The following TSPAN15 variants were observed in gnomAD, a reference collection of about 807,000 sequenced individuals.
The protein encoded by TSPAN15 is tetraspanin 15.
In TSPAN15, 20 loss-of-function variants were observed where a neutral mutation model predicts 34.5. The observed-to-expected ratio is 0.58, with a 90% confidence interval of 0.41 to 0.84. The LOEUF is 0.84. Ranked by LOEUF, TSPAN15 falls within the 40% of genes least tolerant of loss-of-function variation. The probability of loss-of-function intolerance (pLI) is 0.00; values close to 1 mark genes in which losing one functional copy is unlikely to be tolerated. For missense variants in TSPAN15, 313 were observed against 386.1 expected, an observed-to-expected ratio of 0.81 and a Z score of 1.59; for synonymous variants, 155 against 153.9, an observed-to-expected ratio of 1.01 and a Z score of -0.05.
intron 1 of TSPAN15, among the ~76,000 whole-genome samples, chr10:69,460,217 C>T (rs1004393222): frequency 6.6e-6 from 1 of 151,892 alleles, no homozygotes; most frequent in Admixed American, 6.6e-5. Flanking sequence ...AGGCTGGGCC[C>T]CTCCCACCCC....
At chr10:69,463,666 C>T (rs929468187) in intron 1 of TSPAN15, among the ~76,000 whole-genome samples, 6 of 152,064 alleles carry the variant, frequency 3.9e-5, no homozygotes, top group East Asian at 1.9e-4. Flanking sequence ...AAAAATTAGC[C>T]GGGCATAGTG....
the TSPAN15 span, among the ~76,000 whole-genome samples, chr10:69,544,728 A>G: frequency 6.6e-6 from 1 of 152,174 alleles, no homozygotes; most frequent in Non-Finnish European, 1.5e-5. Flanking sequence ...CTGGAGTCCC[A>G]GAAAGTGTGA....
Position 69,499,062 on chromosome 10 carries a change from C to T in TSPAN15, c.570+666C>T, listed in dbSNP as rs1403849701. 5.3e-5 allele frequency among the ~76,000 whole-genome samples: 8 copies of T among 152,340 alleles called. No homozygotes were observed. The East Asian group carries it at 7.7e-4, about 15-fold the overall frequency. On this transcript the variant is annotated intron_variant, in intron 5 of 7. Coordinates refer to ENST00000373290, the MANE Select transcript of TSPAN15 (RefSeq NM_012339.5). ...CTTCCTCTCCCCAGCACGATCCTCT[C>T]GGGTCTGTCACCTTGGTCATTTGGG...
At chr10:69,468,062 A>G (rs1841426076) in intron 1 of TSPAN15, among the ~76,000 whole-genome samples, 1 of 152,114 alleles carries the variant, frequency 6.6e-6, no homozygotes, top group South Asian at 2.1e-4. Context: ...TCAGAAAGCC[A>G]ATTAGGAAAG....
At chr10:69,539,530 AAGAAGAAGGAGAAGG>A in the TSPAN15 span, among the ~76,000 whole-genome samples, 4,621 of 101,678 alleles carry the variant, frequency 0.045, 166 homozygotes, top group Middle Eastern at 0.064. Context: ...GAAGAAGAAG[AAGAAGAAGGAGAAGG>A]AGAAGGAGAA....
At chr10:69,531,442 C>T in the TSPAN15 span, among the ~76,000 whole-genome samples, 1 of 151,950 alleles carries the variant, frequency 6.6e-6, no homozygotes, top group Admixed American at 6.6e-5. Context: ...CTACTAAAAA[C>T]ACAAAAACTA....
chr10:69,548,622 G>A, the TSPAN15 span, among the ~76,000 whole-genome samples: 1 of 152,140 alleles, frequency 6.6e-6, no homozygotes, highest in South Asian at 2.1e-4. Context: ...CTGAGTTGAG[G>A]ATACAAAGAA....
chr10:69,452,982 T>G (rs746959827), intron 1 of TSPAN15, among the ~76,000 whole-genome samples: 33 of 152,376 alleles, frequency 2.2e-4, no homozygotes, highest in Admixed American at 1.4e-3. Context: ...GAGATCCAGA[T>G]TCAGCTCTGT....
At chr10:69,456,781 G>A (rs946154085) in intron 1 of TSPAN15, among the ~76,000 whole-genome samples, 1 of 152,206 alleles carries the variant, frequency 6.6e-6, no homozygotes, top group African/African-American at 2.4e-5. Flanking sequence ...AAAGGGCATT[G>A]AACGAGGAAA....
chr10:69,458,309 T>C (rs1841160763), intron 1 of TSPAN15, among the ~76,000 whole-genome samples: 1 of 152,194 alleles, frequency 6.6e-6, no homozygotes, highest in South Asian at 2.1e-4. Flanking sequence ...AAATCATACA[T>C]GCGCATAGCT....
chr10:69,539,393 A>AGGAAGG, the TSPAN15 span, among the ~76,000 whole-genome samples: 1 of 141,460 alleles, frequency 7.1e-6, no homozygotes, highest in South Asian at 2.3e-4. Context: ...GAAGAGGAAG[A>AGGAAGG]GGAAGAAGAG....
chr10:69,519,869 A>AT, the TSPAN15 span, among the ~76,000 whole-genome samples: 1 of 152,070 alleles, frequency 6.6e-6, no homozygotes, highest in Admixed American at 6.6e-5. Flanking sequence ...AGTAGCTGGG[A>AT]TTACAGGCGT....
At chr10:69,508,468 A>AAAAAAAAAAAAAAAAAAAAAAG (rs1554835861), downstream of TSPAN15, among the ~76,000 whole-genome samples, 2 of 139,270 alleles carry the variant, frequency 1.4e-5, no homozygotes, top group Non-Finnish European at 3.2e-5. Context: ...AAAAAAAAAA[A>AAAAAAAAAAAAAAAAAAAAAAG]AAGAAGAAGA....
intron 1 of TSPAN15, among the ~76,000 whole-genome samples, chr10:69,478,095 G>A (rs565142587): frequency 2.0e-5 from 3 of 152,114 alleles, no homozygotes; most frequent in Non-Finnish European, 4.4e-5. Flanking sequence ...TGCTGCTCCC[G>A]CCAGCACCCT....
At position 69,504,833 on chromosome 10, in the gene TSPAN15, A is replaced by T. The variant is rs187936329; in HGVS notation, c.618+348A>T. On this transcript the variant is annotated intron_variant, in intron 6 of 7. Coordinates refer to ENST00000373290, the MANE Select transcript of TSPAN15 (RefSeq NM_012339.5). ...CTGCCCCTGGGGCCACCTGGGACCC[A>T]GGAGTCCTAGAGGATGGTAACCCCC... Among the ~76,000 whole-genome samples the T allele has an allele frequency of 3.7e-4, 57 of 152,304 alleles. 4 individuals carry two copies. In the East Asian group the frequency reaches 4.2e-3, roughly 11 times the overall value.
intron 3 of TSPAN15, among the ~76,000 whole-genome samples, chr10:69,494,120 G>A (rs1842026943): frequency 6.6e-6 from 1 of 152,174 alleles, no homozygotes; most frequent in East Asian, 1.9e-4. Context: ...GTGGTGTGCT[G>A]GGCAACCTCG....
At chr10:69,484,065 A>T in intron 2 of TSPAN15, 189 bp downstream of exon 2, 1 of 539,734 alleles carries the variant, frequency 1.9e-6, no homozygotes, top group Non-Finnish European at 3.2e-6. Context: ...CTGCATGTAA[A>T]AGCTGATTTG....
the TSPAN15 span, among the ~76,000 whole-genome samples, chr10:69,539,656 T>C: frequency 6.6e-6 from 1 of 152,150 alleles, no homozygotes; most frequent in East Asian, 1.9e-4. Flanking sequence ...GTCTCTCTCA[T>C]GCTGAAGAAG....
chr10:69,485,931 GTGA>G (rs1841843618), intron 3 of TSPAN15, among the ~76,000 whole-genome samples: 1 of 152,190 alleles, frequency 6.6e-6, no homozygotes, highest in African/African-American at 2.4e-5. Flanking sequence ...GGTTGACAGG[GTGA>G]TGCCTGGCAT....
Sources: gnomAD v4.1 joint callset for allele counts (sites outside exome capture counted in the v4.1 genomes callset) on GRCh38, gnomAD v4.1.1 for gene constraint, MANE v1.5 for transcripts, NCBI Gene and HGNC (gene_info 2026-07-23, HGNC 2026-07-21) for gene names.